MRPL27: variants seen among roughly 807,000 people sequenced by gnomAD.
MRPL27 encodes the protein large ribosomal subunit protein bL27m.
In MRPL27, 4 loss-of-function variants were observed where a neutral mutation model predicts 14.6. That is an observed-to-expected ratio of 0.27 (90% CI 0.14 to 0.63). MRPL27 has a LOEUF of 0.63. Ranked by LOEUF, MRPL27 falls within the 20% of genes least tolerant of loss-of-function variation. MRPL27 has a pLI of 0.85. For missense variants in MRPL27, 196 were observed against 192.8 expected (o/e 1.02, Z -0.10); for synonymous variants, 82 against 75.5 (o/e 1.09, Z -0.45).
At position 50,367,877 on chromosome 17, in the gene MRPL27, T is replaced by A; in HGVS notation, c.*215A>T. ...AGTTCCATCCAGGTGTGTCCCTAAA[T>A]AGCATGCGTTCATGACGCTGGCTCA... On this transcript the variant is annotated 3_prime_UTR_variant, in exon 4 of 4. Coordinates refer to ENST00000225969, the MANE Select transcript of MRPL27 (RefSeq NM_016504.3). The A allele has an allele frequency of 1.7e-6, 1 of 590,008 alleles. No individual in the cohort carries two copies. The highest frequency in any genetic ancestry group is 3.0e-6 in the Non-Finnish European group (1 of 332,974). The allele number at this position is 590,008 out of a possible 1,614,324, so 36.5% of individuals were successfully genotyped here. A position where few individuals can be genotyped will look rare whatever the true frequency, so the allele number is the denominator to read the frequency against.
At chr17:50,369,997 A>G (rs1470949651) in intron 3 of MRPL27, 35 bp downstream of exon 3, 1 of 1,610,580 alleles carries the variant, frequency 6.2e-7, no homozygotes, top group South Asian at 1.1e-5. Context: ...TCAACCTAGA[A>G]AAGGAAAAAG....
Position 50,367,983 on chromosome 17 carries a change from G to T in MRPL27, c.*109C>A. On this transcript the variant is annotated 3_prime_UTR_variant, in exon 4 of 4. Coordinates refer to ENST00000225969, the MANE Select transcript of MRPL27 (RefSeq NM_016504.3). ...GAGTCTCCTGCAGAGTCACCATCAA[G>T]CAGACCTCTTCCTCGGGAGGCCGTG... 1 of 1,196,034 alleles carries T rather than the reference G, an allele frequency of 8.4e-7. No homozygotes were observed. The highest frequency in any genetic ancestry group is 1.2e-6 in the Non-Finnish European group (1 of 835,778). 74.1% of individuals were successfully genotyped at this position (1,196,034 alleles called of 1,614,324 possible).
At chr17:50,369,218 C>A in intron 3 of MRPL27, 1 of 245,646 alleles carries the variant, frequency 4.1e-6, no homozygotes, top group Non-Finnish European at 7.8e-6. Flanking sequence ...CTGTCTAGCT[C>A]AAAATGTGTT....
chr17:50,367,927 T>C lies in MRPL27; in HGVS notation c.*165A>G, dbSNP rs1408365952. The stretch of plus-strand genomic sequence containing the variant: ...ACTTTATTTTTGGCCCCAGGTCAGG[T>C]CTCCCAAAGGGTTTCCCAGCAGTCA... On this transcript the variant is annotated 3_prime_UTR_variant, in exon 4 of 4. Transcript: ENST00000225969. 7 of 728,670 alleles carry C rather than the reference T, an allele frequency of 9.6e-6. No homozygotes were observed. The highest frequency in any genetic ancestry group is 1.6e-5 in the Non-Finnish European group (7 of 448,968). The allele number at this position is 728,670 out of a possible 1,614,324, so 45.1% of individuals were successfully genotyped here. A position where few individuals can be genotyped will look rare whatever the true frequency, so the allele number is the denominator to read the frequency against.
chr17:50,373,001 T>C (rs1440478210), intron 1 of MRPL27, 130 bp downstream of exon 1: 10 of 1,321,928 alleles, frequency 7.6e-6, no homozygotes, highest in Non-Finnish European at 1.0e-5. Context: ...CCCTCAAACC[T>C]GGAGTACCCC....
intron 3 of MRPL27, chr17:50,368,540 G>C: frequency 1.7e-6 from 1 of 598,820 alleles, no homozygotes; most frequent in Non-Finnish European, 3.0e-6. Context: ...TCAGTCCCAG[G>C]GACTGTTACC....
intron 1 of MRPL27, chr17:50,370,934 G>C (rs369166158): frequency 1.3e-4 from 27 of 209,644 alleles, no homozygotes; most frequent in African/African-American, 6.2e-4. Context: ...GGCCAGAACA[G>C]ACTTGGGGAG....
chr17:50,369,095 C>A, intron 3 of MRPL27: 1 of 513,854 alleles, frequency 1.9e-6, no homozygotes, highest in Non-Finnish European at 3.4e-6. Context: ...TGGTCTTAGG[C>A]AAGTTACTTC....
At chr17:50,372,443 G>A (rs1042793823) in intron 1 of MRPL27, among the ~76,000 whole-genome samples, 1 of 152,122 alleles carries the variant, frequency 6.6e-6, no homozygotes. Flanking sequence ...ATGGGGTTTT[G>A]CCATGTTGCC....
At chr17:50,370,848 T>G in intron 1 of MRPL27, 3 of 401,930 alleles carry the variant, frequency 7.5e-6, no homozygotes, top group South Asian at 6.9e-5. Context: ...ACATTCAGTC[T>G]AAATGTGCTG....
intron 1 of MRPL27, chr17:50,372,926 A>G (rs1334140437): frequency 9.2e-6 from 6 of 653,774 alleles, no homozygotes; most frequent in African/African-American, 1.8e-5. Flanking sequence ...GAGAAAGACA[A>G]GTGCTCTTCA....
rs1913081047 is a variant in MRPL27 at position 50,370,047 on chromosome 17, C to G, written c.225G>C (p.Trp75Cys). 1 of 1,613,728 alleles carries G rather than the reference C, an allele frequency of 6.2e-7. No individual in the cohort carries two copies. Among genetic ancestry groups the G allele is most frequent in the African/African-American group, 1.3e-5 (1 of 74,888 alleles). ...NIIATQRHFR[W>C]HPGAHVGVGK... is the part of the protein sequence containing the mutation. ...AGCAACTCACATGGGCACCTGGGTGCCAGCGGAAATGGCGCTGTGTTGCAA... is the reference window on the plus strand; with the variant it reads ...AGCAACTCACATGGGCACCTGGGTGGCAGCGGAAATGGCGCTGTGTTGCAA... The change falls in exon 3 of 4, where the codon TGG becomes TGC. Residue 75 changes from tryptophan (W) to cysteine (C), a missense_variant. Trp to Cys is a radical substitution (Grantham distance 215). Transcript: ENST00000225969.
rs1913236713 is a variant in MRPL27, at chr17:50,373,127, T to C, written c.40+4A>G. On this transcript the variant is annotated splice_donor_region_variant and intron_variant, in intron 1 of 3. Coordinates refer to ENST00000225969, the MANE Select transcript of MRPL27 (RefSeq NM_016504.3). ...ACCCCGCTCTGACTACTGCGTCCCA[T>C]TACCGGCTGTCCGGGTCCTCAGCGC... is the stretch of plus-strand genomic sequence containing the variant. The C allele has an allele frequency of 6.2e-7, 1 of 1,614,032 alleles. No individual in the cohort carries two copies. The highest frequency in any genetic ancestry group is 1.3e-5 in the African/African-American group (1 of 74,944).
At chr17:50,369,559 GA>G (rs1913063996) in intron 3 of MRPL27, 1 of 207,834 alleles carries the variant, frequency 4.8e-6, no homozygotes, top group African/African-American at 2.4e-5. Context: ...CTGGCACACT[GA>G]ATTCTATTTC....
chr17:50,372,259 G>A (rs1381389216), intron 1 of MRPL27, among the ~76,000 whole-genome samples: 1 of 151,226 alleles, frequency 6.6e-6, no homozygotes, highest in South Asian at 2.1e-4. Context: ...TTTTTTTGGG[G>A]GGGGGGGATA....
At position 50,368,247 on chromosome 17, in the gene MRPL27, G is replaced by A. The variant is rs764679775; in HGVS notation, c.292C>T (p.Arg98Cys). 22 of 1,614,046 alleles carry A rather than the reference G, an allele frequency of 1.4e-5. No individual in the cohort carries two copies. Among genetic ancestry groups the A allele is most frequent in the African/African-American group, 5.3e-5 (4 of 74,910 alleles). Residue 98 changes from arginine (R) to cysteine (C), a missense_variant, in exon 4 of 4, where the codon CGC becomes TGC. Arg to Cys is a radical substitution (Grantham distance 180). Coordinates refer to ENST00000225969, the MANE Select transcript of MRPL27 (RefSeq NM_016504.3). Reference sequence around the variant, plus strand: ...GGCACGTAGACCTCCTTAGTGTAGCGGACTATCCCCTCTTCCAGGGCATAC... The same window carrying A: ...GGCACGTAGACCTCCTTAGTGTAGCAGACTATCCCCTCTTCCAGGGCATAC... ...CLYALEEGIV[R>C]YTKEVYVPHP...
Position 50,368,336 on chromosome 17 carries a change from AGCG to A in MRPL27, c.241-41_241-39del, listed in dbSNP as rs747937812. The A allele has an allele frequency of 5.5e-6, 8 of 1,459,160 alleles. No individual in the cohort carries two copies. The South Asian group carries it at 8.0e-5, about 15-fold the overall frequency. The allele number at this position is 1,459,160 out of a possible 1,614,324, so 90.4% of individuals were successfully genotyped here. A position where few individuals can be genotyped will look rare whatever the true frequency, so the allele number is the denominator to read the frequency against. ...GACCTGGTCAGCTGGTCAGCTGGTC[AGCG>A]AGGTGGTCCGTCCCAGAATTTTGGG... On this transcript the variant is annotated intron_variant, in intron 3 of 3. Transcript: ENST00000225969.
At chr17:50,371,685 A>G (rs1047653593) in intron 1 of MRPL27, among the ~76,000 whole-genome samples, 2 of 152,126 alleles carry the variant, frequency 1.3e-5, no homozygotes, top group African/African-American at 4.8e-5. Flanking sequence ...TGACATTTCC[A>G]TGACACCAGA....
rs1913089927 is a variant in MRPL27 at position 50,370,213 on chromosome 17, A to G, written c.173-114T>C. 15 of 1,220,756 alleles carry G rather than the reference A, an allele frequency of 1.2e-5. No homozygotes were observed. The South Asian group carries it at 1.7e-4, about 14-fold the overall frequency. 75.6% of individuals were successfully genotyped at this position (1,220,756 alleles called of 1,614,324 possible). A position where few individuals can be genotyped will look rare whatever the true frequency, so the allele number is the denominator to read the frequency against. ...CTGCCCCTGGCCAAAAACAACTCCC[A>G]GACAGTCCAACACAAGCAGCGCAGG... On this transcript the variant is annotated intron_variant, in intron 2 of 3. Coordinates refer to ENST00000225969, the MANE Select transcript of MRPL27 (RefSeq NM_016504.3).
Sources: gnomAD v4.1 joint callset for allele counts (sites outside exome capture counted in the v4.1 genomes callset) on GRCh38, gnomAD v4.1.1 for gene constraint, MANE v1.5 for transcripts, NCBI Gene and HGNC (gene_info 2026-07-23, HGNC 2026-07-21) for gene names.